MAF: variants seen among roughly 807,000 people sequenced by gnomAD.
MAF encodes the protein transcription factor Maf.
A neutral mutation model predicts 22.0 loss-of-function variants in MAF; 10 were observed. The ratio of observed to expected loss-of-function variants is 0.45; its 90% CI spans 0.28 to 0.77. The LOEUF (loss-of-function observed/expected upper bound fraction) is 0.77, where lower values mean the gene tolerates loss of function less well. Among genes scored for constraint, MAF ranks in the 30% least tolerant of loss-of-function variants. MAF has a pLI of 0.12. For synonymous variants in MAF, 337 were observed against 255.8 expected (o/e 1.32, Z -3.03); for missense variants, 544 against 548.4 (o/e 0.99, Z 0.08).
At chr16:79,353,392 G>C in the MAF span, among the ~76,000 whole-genome samples, 1 of 152,186 alleles carries the variant, frequency 6.6e-6, no homozygotes, top group Non-Finnish European at 1.5e-5. Flanking sequence ...GCCTCCCAAA[G>C]TGCTGGGATT....
chr16:79,425,974 A>T, the MAF span, among the ~76,000 whole-genome samples: 1 of 152,244 alleles, frequency 6.6e-6, no homozygotes, highest in Non-Finnish European at 1.5e-5. Context: ...TGGGAGGCTG[A>T]CACAGGCGGA....
the MAF span, among the ~76,000 whole-genome samples, chr16:79,316,652 G>A: frequency 2.6e-5 from 4 of 152,170 alleles, no homozygotes; most frequent in Non-Finnish European, 4.4e-5. Context: ...GCCAAGATAT[G>A]CCTTCAGAGG....
the MAF span, among the ~76,000 whole-genome samples, chr16:79,535,458 G>C: frequency 4.7e-4 from 71 of 151,152 alleles, no homozygotes; most frequent in Non-Finnish European, 9.4e-4. Flanking sequence ...TGGTCAAGAG[G>C]TGTGTGAAAA....
At chr16:79,374,629 T>C in the MAF span, among the ~76,000 whole-genome samples, 1 of 152,190 alleles carries the variant, frequency 6.6e-6, no homozygotes, top group African/African-American at 2.4e-5. Context: ...GCACTGGGGC[T>C]AGAAGGCTGC....
the MAF span, among the ~76,000 whole-genome samples, chr16:79,388,984 C>G: frequency 6.6e-6 from 1 of 152,108 alleles, no homozygotes; most frequent in Non-Finnish European, 1.5e-5. Context: ...TATAAGGAGG[C>G]CCTTATGATG....
At chr16:79,511,745 TAC>T in the MAF span, among the ~76,000 whole-genome samples, 8 of 152,192 alleles carry the variant, frequency 5.3e-5, no homozygotes, top group African/African-American at 1.9e-4. Flanking sequence ...AGTCCCAGCT[TAC>T]AGAGGATGAA....
chr16:79,492,004 T>TATTA, the MAF span, among the ~76,000 whole-genome samples: 1 of 152,276 alleles, frequency 6.6e-6, no homozygotes, highest in African/African-American at 2.4e-5. Flanking sequence ...CAGTCCAAGC[T>TATTA]ATTAATTAAT....
At chr16:79,311,430 G>A in the MAF span, among the ~76,000 whole-genome samples, 1 of 151,126 alleles carries the variant, frequency 6.6e-6, no homozygotes, top group Non-Finnish European at 1.5e-5. Context: ...TGTTTGGAAT[G>A]TGCATGATTT....
chr16:79,447,629 G>A, the MAF span, among the ~76,000 whole-genome samples: 2 of 152,166 alleles, frequency 1.3e-5, no homozygotes, highest in Non-Finnish European at 2.9e-5. Context: ...GATGCCATTA[G>A]AAACGTTTGT....
the MAF span, among the ~76,000 whole-genome samples, chr16:79,284,544 G>A: frequency 1.3e-5 from 2 of 152,238 alleles, no homozygotes; most frequent in Admixed American, 6.5e-5. Context: ...TTTCTAGTTC[G>A]GCAGATGTCT....
chr16:79,298,312 T>A, the MAF span, among the ~76,000 whole-genome samples: 1 of 152,242 alleles, frequency 6.6e-6, no homozygotes, highest in African/African-American at 2.4e-5. Context: ...ACCAGGTGTG[T>A]TTGCTCTGCT....
chr16:79,244,908 T>C, the MAF span, among the ~76,000 whole-genome samples: 2 of 151,910 alleles, frequency 1.3e-5, no homozygotes, highest in Admixed American at 1.3e-4. Flanking sequence ...TCAGAAATAA[T>C]ACCACACCTC....
At chr16:79,590,119 G>A (rs900197806), downstream of MAF, among the ~76,000 whole-genome samples, 2 of 152,154 alleles carry the variant, frequency 1.3e-5, no homozygotes, top group African/African-American at 2.4e-5. Context: ...CACCAGGCTC[G>A]GGCAGTGATG....
the MAF span, among the ~76,000 whole-genome samples, chr16:79,389,590 C>T: frequency 6.6e-6 from 1 of 151,772 alleles, no homozygotes. Context: ...AGGTTTGTTT[C>T]TGTCTTGGTT....
the MAF span, among the ~76,000 whole-genome samples, chr16:79,284,906 A>G: frequency 1.3e-5 from 2 of 152,172 alleles, no homozygotes; most frequent in Non-Finnish European, 2.9e-5. Context: ...CTCTCCCCCC[A>G]GCCAACAGTC....
chr16:79,518,174 G>C, the MAF span, among the ~76,000 whole-genome samples: 5 of 152,196 alleles, frequency 3.3e-5, no homozygotes, highest in East Asian at 1.9e-4. Flanking sequence ...GATTTTGAGA[G>C]GATAAATCAT....
At chr16:79,453,684 T>C in the MAF span, among the ~76,000 whole-genome samples, 8 of 152,314 alleles carry the variant, frequency 5.3e-5, no homozygotes, top group South Asian at 1.7e-3. Flanking sequence ...TCTGGATAGG[T>C]CGGTCACAAG....
chr16:79,325,237 T>G, the MAF span, among the ~76,000 whole-genome samples: 1 of 151,846 alleles, frequency 6.6e-6, no homozygotes, highest in Non-Finnish European at 1.5e-5. Context: ...CTTTCAAGAG[T>G]AAATAAAACA....
the MAF span, among the ~76,000 whole-genome samples, chr16:79,573,306 C>T: frequency 6.6e-6 from 1 of 152,246 alleles, no homozygotes; most frequent in Non-Finnish European, 1.5e-5. Context: ...CTTTGCTTTA[C>T]AGCATTTGGG....
Sources: allele counts gnomAD v4.1 joint callset (sites outside exome capture counted in the v4.1 genomes callset), GRCh38; gene constraint gnomAD v4.1.1; transcripts MANE v1.5; gene names NCBI Gene and HGNC (gene_info 2026-07-23, HGNC 2026-07-21).